KCNIP4: variants seen among roughly 807,000 people sequenced by gnomAD.
KCNIP4 encodes Kv channel-interacting protein 4.
Under a neutral mutation model 34.0 loss-of-function variants are expected in KCNIP4, and 12 were observed. The observed-to-expected ratio is 0.35, with a 90% CI of 0.23 to 0.57. The LOEUF is 0.57. Ranked by LOEUF, KCNIP4 falls within the 20% of genes least tolerant of loss-of-function variation. The pLI is 0.83. For missense variants in KCNIP4, 238 were observed against 311.7 expected, an observed-to-expected ratio of 0.76 and a Z score of 1.78; for synonymous variants, 124 against 102.2, an observed-to-expected ratio of 1.21 and a Z score of -1.29.
chr4:21,934,892 T>C (rs1487733312), intron 1 of KCNIP4, among the ~76,000 whole-genome samples: 1 of 152,138 alleles, frequency 6.6e-6, no homozygotes, highest in Non-Finnish European at 1.5e-5. Flanking sequence ...TGCTTGAGTG[T>C]CCCTCTTACC....
At chr4:21,104,521 A>C (rs1380820116) in intron 1 of KCNIP4, among the ~76,000 whole-genome samples, 1 of 152,026 alleles carries the variant, frequency 6.6e-6, no homozygotes. Context: ...TAGATTGCAA[A>C]AATTTTCTCC....
At chr4:21,439,931 C>G (rs1727308465) in intron 1 of KCNIP4, among the ~76,000 whole-genome samples, 1 of 152,186 alleles carries the variant, frequency 6.6e-6, no homozygotes, top group South Asian at 2.1e-4. Context: ...CATAGTCCAT[C>G]TACTCCACTT....
intron 1 of KCNIP4, among the ~76,000 whole-genome samples, chr4:21,784,141 G>T (rs1441447602): frequency 6.6e-6 from 1 of 151,528 alleles, no homozygotes; most frequent in Non-Finnish European, 1.5e-5. Context: ...GGCGGTGGGG[G>T]GTGGGGTCGA....
chr4:21,788,441 T>C (rs1365896695), intron 1 of KCNIP4, among the ~76,000 whole-genome samples: 1 of 152,190 alleles, frequency 6.6e-6, no homozygotes, highest in African/African-American at 2.4e-5. Context: ...ATGCTATGAA[T>C]TATGAGGAAT....
chr4:21,002,518 AG>A, intron 1 of KCNIP4, among the ~76,000 whole-genome samples: 1 of 152,316 alleles, frequency 6.6e-6, no homozygotes, highest in South Asian at 2.1e-4. Flanking sequence ...GCCACTTCCC[AG>A]GAGTGAGGTG....
chr4:21,175,785 C>A (rs892712404), intron 1 of KCNIP4, among the ~76,000 whole-genome samples: 8 of 152,112 alleles, frequency 5.3e-5, no homozygotes, highest in African/African-American at 1.9e-4. Flanking sequence ...CAGTTTATGA[C>A]TTATAAATTG....
intron 1 of KCNIP4, among the ~76,000 whole-genome samples, chr4:21,267,159 T>G (rs577981910): frequency 1.3e-5 from 2 of 152,130 alleles, no homozygotes; most frequent in Non-Finnish European, 2.9e-5. Flanking sequence ...TATGACTGAC[T>G]CAAAAATGTC....
chr4:21,412,471 T>C (rs1724590038), intron 1 of KCNIP4, among the ~76,000 whole-genome samples: 1 of 152,208 alleles, frequency 6.6e-6, no homozygotes, highest in Non-Finnish European at 1.5e-5. Context: ...AACTCTGGAT[T>C]AGCCATTTAT....
At chr4:20,925,455 C>T (rs572000309) in intron 1 of KCNIP4, among the ~76,000 whole-genome samples, 17 of 152,222 alleles carry the variant, frequency 1.1e-4, no homozygotes, top group African/African-American at 2.6e-4. Context: ...AATGCCATGA[C>T]GACATCAGGA....
chr4:21,443,287 G>C (rs924581651), intron 1 of KCNIP4, among the ~76,000 whole-genome samples: 5 of 152,090 alleles, frequency 3.3e-5, no homozygotes. Context: ...TGCATGGCCT[G>C]AAAGTCCTGA....
At chr4:21,857,894 C>A (rs960291513) in intron 1 of KCNIP4, among the ~76,000 whole-genome samples, 3 of 152,166 alleles carry the variant, frequency 2.0e-5, no homozygotes, top group African/African-American at 7.2e-5. Flanking sequence ...GCTGTGACAC[C>A]CTCTTTGGGG....
intron 1 of KCNIP4, among the ~76,000 whole-genome samples, chr4:20,935,407 T>C (rs1459271945): frequency 6.6e-6 from 1 of 152,160 alleles, no homozygotes. Flanking sequence ...GCTAGAAACA[T>C]GGGGATAATC....
chr4:21,241,819 A>T (rs1018374333), intron 1 of KCNIP4, among the ~76,000 whole-genome samples: 2 of 152,098 alleles, frequency 1.3e-5, no homozygotes, highest in Non-Finnish European at 2.9e-5. Flanking sequence ...GGTGTGGAAT[A>T]TTTATCCGCA....
intron 3 of KCNIP4, among the ~76,000 whole-genome samples, chr4:20,803,470 C>CAAAAAAAAAAAAAA (rs551176038): frequency 2.3e-5 from 2 of 85,890 alleles, no homozygotes; most frequent in African/African-American, 1.0e-4. Context: ...TCATCTTTAC[C>CAAAAAAAAAAAAAA]AAAAAAAAAA....
intron 1 of KCNIP4, among the ~76,000 whole-genome samples, chr4:21,863,681 A>C (rs1425835398): frequency 6.6e-6 from 1 of 152,204 alleles, no homozygotes; most frequent in East Asian, 1.9e-4. Flanking sequence ...GAAATGGAGA[A>C]ACAAAAAGTA....
At chr4:20,897,071 G>T (rs1354115470) in intron 1 of KCNIP4, among the ~76,000 whole-genome samples, 2 of 152,114 alleles carry the variant, frequency 1.3e-5, no homozygotes, top group East Asian at 3.9e-4. Context: ...GTAAATATCA[G>T]TTGAGGCTGA....
intron 1 of KCNIP4, among the ~76,000 whole-genome samples, chr4:21,121,828 A>C (rs1321470874): frequency 6.6e-6 from 1 of 152,212 alleles, no homozygotes; most frequent in Non-Finnish European, 1.5e-5. Context: ...AGGATCCCAA[A>C]AGCCTGATTG....
intron 1 of KCNIP4, among the ~76,000 whole-genome samples, chr4:21,284,444 A>G (rs1762977082): frequency 6.6e-6 from 1 of 152,196 alleles, no homozygotes; most frequent in Non-Finnish European, 1.5e-5. Context: ...GCTGAGACAC[A>G]ATGAAGTTAA....
chr4:21,703,632 A>G (rs1713036535), intron 1 of KCNIP4, among the ~76,000 whole-genome samples: 1 of 152,176 alleles, frequency 6.6e-6, no homozygotes, highest in African/African-American at 2.4e-5. Context: ...AATTTAAAAT[A>G]CAATATCATT....
Sources: gnomAD v4.1 joint callset for allele counts (sites outside exome capture counted in the v4.1 genomes callset) on GRCh38, gnomAD v4.1.1 for gene constraint, MANE v1.5 for transcripts, NCBI Gene and HGNC (gene_info 2026-07-23, HGNC 2026-07-21) for gene names.